Variants in JAZF1 observed in about 807,000 individuals in gnomAD.
JAZF1 encodes JAZF zinc finger 1, also known as juxtaposed with another zinc finger protein 1.
JAZF1 carries 8 observed loss-of-function variants against 26.4 expected under a neutral mutation model. The observed-to-expected ratio is 0.30, with a 90% CI of 0.18 to 0.55. The LOEUF (loss-of-function observed/expected upper bound fraction) is 0.55, where lower values mean the gene tolerates loss of function less well. Among genes scored for constraint, JAZF1 ranks in the 20% least tolerant of loss-of-function variants. JAZF1 has a pLI of 0.94. For synonymous variants in JAZF1, 126 were observed against 122.3 expected (o/e 1.03, Z -0.20); for missense variants, 199 against 322.0 (o/e 0.62, Z 2.92).
intron 1 of JAZF1, among the ~76,000 whole-genome samples, chr7:28,088,915 A>AT (rs576806434): frequency 6.6e-6 from 1 of 152,162 alleles, no homozygotes; most frequent in East Asian, 1.9e-4. Flanking sequence ...AATTAATTTT[A>AT]TTTTACCAAC....
At chr7:27,979,999 T>C (rs1042779444) in intron 2 of JAZF1, among the ~76,000 whole-genome samples, 4 of 152,246 alleles carry the variant, frequency 2.6e-5, no homozygotes, top group Non-Finnish European at 4.4e-5. Flanking sequence ...CCTCTAATTA[T>C]CTAGGACATG....
At chr7:27,856,152 G>T (rs1257750092) in intron 3 of JAZF1, among the ~76,000 whole-genome samples, 2 of 152,168 alleles carry the variant, frequency 1.3e-5, no homozygotes, top group African/African-American at 2.4e-5. Context: ...TCCGGAGTTT[G>T]TTCCTTCTGA....
chr7:28,086,895 A>G (rs547031592), intron 1 of JAZF1, among the ~76,000 whole-genome samples: 5 of 152,298 alleles, frequency 3.3e-5, no homozygotes, highest in African/African-American at 1.2e-4. Flanking sequence ...AAGAGTTAAC[A>G]ACTTCCCCAC....
intron 1 of JAZF1, among the ~76,000 whole-genome samples, chr7:28,025,229 A>G (rs1276542852): frequency 1.3e-5 from 2 of 152,230 alleles, no homozygotes; most frequent in Admixed American, 1.3e-4. Context: ...CTTACCAATG[A>G]TAGTGTTAAA....
intron 1 of JAZF1, among the ~76,000 whole-genome samples, chr7:28,082,405 A>G (rs1365677940): frequency 6.6e-6 from 1 of 152,054 alleles, no homozygotes; most frequent in African/African-American, 2.4e-5. Flanking sequence ...ACTCCTGTGC[A>G]GGCTCCCTTT....
chr7:28,013,380 A>C (rs1049487359), intron 1 of JAZF1, among the ~76,000 whole-genome samples: 12 of 152,316 alleles, frequency 7.9e-5, no homozygotes, highest in Admixed American at 3.3e-4. Context: ...GGAGGAAAAA[A>C]TAGGAGGGCC....
At chr7:28,035,268 C>T (rs549321435) in intron 1 of JAZF1, among the ~76,000 whole-genome samples, 2 of 132,104 alleles carry the variant, frequency 1.5e-5, no homozygotes, top group South Asian at 2.4e-4. Context: ...GAGCTGAAAT[C>T]GCACCTCTGC....
chr7:27,891,446 T>C (rs1783975735), intron 3 of JAZF1, among the ~76,000 whole-genome samples: 1 of 152,188 alleles, frequency 6.6e-6, no homozygotes, highest in South Asian at 2.1e-4. Context: ...TTTTCTTAAA[T>C]GAATACTTTT....
At chr7:28,017,622 T>C (rs1208255334) in intron 1 of JAZF1, among the ~76,000 whole-genome samples, 1 of 152,220 alleles carries the variant, frequency 6.6e-6, no homozygotes, top group Non-Finnish European at 1.5e-5. Flanking sequence ...CCATTCCACA[T>C]CTATTTTCCA....
At position 27,895,306 on chromosome 7, in the gene JAZF1, G is replaced by T; in HGVS notation, c.299C>A (p.Pro100His). Residue 100 changes from proline to histidine, a missense_variant, in exon 3 of 5, where the codon CCC (proline) becomes CAC (histidine). Physicochemically the swap from Pro to His is moderately conservative, Grantham distance 77. Transcript: ENST00000283928. Reference sequence around the variant, plus strand: ...AAGGCTTCCACTGCTGTGGCGTGGGGGAGTGGACACATTCCCTCGAGACAC... The same window carrying T: ...AAGGCTTCCACTGCTGTGGCGTGGGTGAGTGGACACATTCCCTCGAGACAC... ...SSVSRGNVSTPPRHSSGSLTP... is the reference protein window; with the variant it reads ...SSVSRGNVSTHPRHSSGSLTP... 6.2e-7 allele frequency: 1 copy of T among 1,609,828 alleles called. No individual in the cohort carries two copies. Among genetic ancestry groups the T allele is most frequent in the Non-Finnish European group, 8.5e-7 (1 of 1,177,506 alleles).
chr7:27,953,505 G>T (rs1398760204), intron 2 of JAZF1, among the ~76,000 whole-genome samples: 1 of 152,200 alleles, frequency 6.6e-6, no homozygotes, highest in Non-Finnish European at 1.5e-5. Context: ...TGCAAGCTCA[G>T]CTTTGAGAGG....
In JAZF1 at chr7:28,121,950, T is replaced by C. The variant is rs369563075; in HGVS notation, c.115+58513A>G. 4.6e-5 allele frequency among the ~76,000 whole-genome samples: 7 copies of C among 152,218 alleles called. No individual in the cohort carries two copies. In the East Asian group the frequency reaches 5.8e-4, roughly 13 times the overall value. On this transcript the variant is annotated intron_variant, in intron 1 of 4. Coordinates refer to ENST00000283928, the MANE Select transcript of JAZF1 (RefSeq NM_175061.4). The stretch of plus-strand genomic sequence containing the variant: ...CCAAGCTGCCATCACACCTAGAGGA[T>C]AGTTTGGTGCCAATGTTCACATAAA...
chr7:28,119,001 T>C lies in JAZF1; in HGVS notation c.115+61462A>G, dbSNP rs563729098. ...AGAGAGCAGGGAGAATCCCTTGGAA[T>C]GAAAGCTCCCTAGACATGAACAAAG... On this transcript the variant is annotated intron_variant, in intron 1 of 4. Transcript: ENST00000283928. Among the ~76,000 whole-genome samples the C allele has an allele frequency of 1.3e-3, 200 of 152,324 alleles. 1 individual carries two copies. Among genetic ancestry groups the C allele is most frequent in the African/African-American group, 4.6e-3 (193 of 41,580 alleles).
intron 2 of JAZF1, among the ~76,000 whole-genome samples, chr7:27,979,174 A>G (rs1785530256): frequency 6.6e-6 from 1 of 152,130 alleles, no homozygotes; most frequent in African/African-American, 2.4e-5. Context: ...GTTAAGTAGT[A>G]AATGAAAAGA....
In JAZF1 at chr7:28,057,113, T is replaced by C. The variant is rs189541244; in HGVS notation, c.116-65132A>G. Among the ~76,000 whole-genome samples, 9 of 152,278 alleles carry C rather than the reference T, an allele frequency of 5.9e-5. No homozygotes were observed. The South Asian group carries it at 1.2e-3, about 21-fold the overall frequency. On this transcript the variant is annotated intron_variant, in intron 1 of 4. Transcript: ENST00000283928. ...ATGCTGTGACCCTCATCACTGAAGT[T>C]CAGAAATTACTGCACATTAAAGAGG...
Position 27,873,724 on chromosome 7 carries a change from G to A in JAZF1, c.385+21496C>T, listed in dbSNP as rs555005792. ...TTATTTACACCTTGTCTTCCTCTGT[G>A]ACTTCACTGCCATCTCTCTGAGCGT... On this transcript the variant is annotated intron_variant, in intron 3 of 4. Transcript: ENST00000283928. 1.7e-4 allele frequency among the ~76,000 whole-genome samples: 26 copies of A among 152,302 alleles called. No individual in the cohort carries two copies. The South Asian group carries it at 4.8e-3, about 28-fold the overall frequency.
At chr7:28,078,466 A>T (rs1368403712) in intron 1 of JAZF1, among the ~76,000 whole-genome samples, 1 of 152,170 alleles carries the variant, frequency 6.6e-6, no homozygotes, top group African/African-American at 2.4e-5. Flanking sequence ...AATCACCTAC[A>T]CTGCCCTCTT....
chr7:28,075,572 T>C (rs1258367185), intron 1 of JAZF1, among the ~76,000 whole-genome samples: 1 of 152,246 alleles, frequency 6.6e-6, no homozygotes, highest in Admixed American at 6.5e-5. Flanking sequence ...TTGTAATTGG[T>C]TGGTTTTCCC....
chr7:28,120,686 G>C lies in JAZF1; in HGVS notation c.115+59777C>G, dbSNP rs111586512. Among the ~76,000 whole-genome samples, 40 of 151,818 alleles carry C rather than the reference G, an allele frequency of 2.6e-4. 1 individual carries two copies. The highest frequency in any genetic ancestry group is 9.4e-4 in the African/African-American group (39 of 41,410). On this transcript the variant is annotated intron_variant, in intron 1 of 4. Coordinates refer to ENST00000283928, the MANE Select transcript of JAZF1 (RefSeq NM_175061.4). ...GAATTCATGCAGGGACTCTCAAGCT[G>C]TCTGATGAATTATTTGGAGCTTCTC...
Sources: allele counts gnomAD v4.1 joint callset (sites outside exome capture counted in the v4.1 genomes callset), GRCh38; gene constraint gnomAD v4.1.1; transcripts MANE v1.5; gene names NCBI Gene and HGNC (gene_info 2026-07-23, HGNC 2026-07-21).